CDH4: variants seen among roughly 807,000 people sequenced by gnomAD.
The protein encoded by CDH4 is cadherin 4, also known as cadherin-4.
In CDH4, 33 loss-of-function variants were observed where a neutral mutation model predicts 86.0. The ratio of observed to expected loss-of-function variants is 0.38; its 90% CI spans 0.29 to 0.51. The LOEUF is 0.51. CDH4 is among the 20% of genes least tolerant of loss of function. The probability of loss-of-function intolerance (pLI) is 0.86; values close to 1 mark genes in which losing one functional copy is unlikely to be tolerated. For missense variants in CDH4, 1,114 were observed against 1,307.4 expected, an observed-to-expected ratio of 0.85 and a Z score of 2.28; for synonymous variants, 555 against 549.4, an observed-to-expected ratio of 1.01 and a Z score of -0.14.
intron 2 of CDH4, among the ~76,000 whole-genome samples, chr20:61,504,984 G>A (rs1411824810): frequency 1.3e-5 from 2 of 152,214 alleles, no homozygotes; most frequent in African/African-American, 4.8e-5. Context: ...CAAATGTTGG[G>A]GAGGGGGCTT....
intron 2 of CDH4, among the ~76,000 whole-genome samples, chr20:61,666,888 T>C (rs1161490664): frequency 6.6e-6 from 1 of 152,160 alleles, no homozygotes; most frequent in Non-Finnish European, 1.5e-5. Flanking sequence ...CCTGGGAGTG[T>C]GGTTACACTT....
chr20:61,707,155 G>A (rs917789428), intron 2 of CDH4, among the ~76,000 whole-genome samples: 16 of 152,240 alleles, frequency 1.1e-4, no homozygotes, highest in South Asian at 4.1e-4. Flanking sequence ...CCCCATGAGC[G>A]CATGGCGGGG....
intron 10 of CDH4, 66 bp downstream of exon 10, chr20:61,923,770 A>C: frequency 6.5e-7 from 1 of 1,528,156 alleles, no homozygotes; most frequent in Admixed American, 1.9e-5. Flanking sequence ...AAGGGTCCAG[A>C]AATACCCCAT....
chr20:61,619,027 G>A (rs1431345490), intron 2 of CDH4, among the ~76,000 whole-genome samples: 6 of 152,206 alleles, frequency 3.9e-5, no homozygotes, highest in Non-Finnish European at 8.8e-5. Context: ...TTCCTTTCCA[G>A]AGCAGCAAGT....
chr20:61,892,402 C>G (rs1245760122), intron 7 of CDH4, among the ~76,000 whole-genome samples: 1 of 152,204 alleles, frequency 6.6e-6, no homozygotes. Context: ...CATGGCCCCC[C>G]AGAGCTCAGG....
rs566215135 is a variant in CDH4, at chr20:61,582,160, T to A, written c.170-161403T>A. ...ATGCCTTGTGTGTGCACGGAGACTT[T>A]CCTGTCCACCTGCCCCTCCCTGGTC... On this transcript the variant is annotated intron_variant, in intron 2 of 15. Coordinates refer to ENST00000614565, the MANE Select transcript of CDH4 (RefSeq NM_001794.5). This position sits in a 1 kb window ranked among gnomAD's most constrained non-coding sequence, Gnocchi z 4.2. 1.3e-5 allele frequency among the ~76,000 whole-genome samples: 2 copies of A among 152,338 alleles called. No individual in the cohort carries two copies. The highest frequency in any genetic ancestry group is 1.3e-4 in the Admixed American group (2 of 15,308).
intron 2 of CDH4, among the ~76,000 whole-genome samples, chr20:61,702,093 G>T (rs1390636536): frequency 6.6e-6 from 1 of 152,236 alleles, no homozygotes; most frequent in Non-Finnish European, 1.5e-5. Context: ...TGGGAAGAAA[G>T]CGTCTTCTTC....
chr20:61,918,682 G>A (rs536592194), intron 9 of CDH4, among the ~76,000 whole-genome samples: 30 of 152,234 alleles, frequency 2.0e-4, no homozygotes, highest in African/African-American at 5.8e-4. Flanking sequence ...GCGTGGTGTC[G>A]CGGTGATTGC....
intron 6 of CDH4, among the ~76,000 whole-genome samples, chr20:61,863,314 T>C (rs1272037238): frequency 1.3e-5 from 2 of 152,198 alleles, no homozygotes; most frequent in African/African-American, 4.8e-5. Context: ...CCCAACTCGC[T>C]GCTTCCTTGA....
At chr20:61,660,450 G>C (rs547802504) in intron 2 of CDH4, among the ~76,000 whole-genome samples, 1 of 152,190 alleles carries the variant, frequency 6.6e-6, no homozygotes, top group Non-Finnish European at 1.5e-5. Flanking sequence ...AGGTGACGCC[G>C]GGACTCGCTT....
At chr20:61,797,443 C>T (rs1259420276) in intron 4 of CDH4, among the ~76,000 whole-genome samples, 1 of 152,216 alleles carries the variant, frequency 6.6e-6, no homozygotes, top group African/African-American at 2.4e-5. Flanking sequence ...TCCTGGCTTA[C>T]ATGAAGCTGG....
chr20:61,312,932 G>C (rs981535937), intron 2 of CDH4, among the ~76,000 whole-genome samples: 1 of 152,146 alleles, frequency 6.6e-6, no homozygotes, highest in Non-Finnish European at 1.5e-5. Context: ...GTGCTCGGCA[G>C]GTCCTCTCCC....
Position 61,692,653 on chromosome 20 carries a change from G to C in CDH4, c.170-50910G>C, listed in dbSNP as rs572255196. ...TGCGAGCAAATCCCCAGGCACGGAAGTGTGATGGGGCAGGGGCAAGTTTAT... is the reference window on the plus strand; with the variant it reads ...TGCGAGCAAATCCCCAGGCACGGAACTGTGATGGGGCAGGGGCAAGTTTAT... On this transcript the variant is annotated intron_variant, in intron 2 of 15. Transcript: ENST00000614565. 2.0e-5 allele frequency among the ~76,000 whole-genome samples: 3 copies of C among 152,352 alleles called. No individual in the cohort carries two copies. The East Asian group carries it at 5.8e-4, about 29-fold the overall frequency.
chr20:61,362,973 G>A (rs572699430), intron 2 of CDH4, among the ~76,000 whole-genome samples: 16 of 152,278 alleles, frequency 1.1e-4, no homozygotes, highest in East Asian at 5.8e-4. Flanking sequence ...CCCTTGTGCC[G>A]TGTCACATGT....
chr20:61,422,962 T>C (rs2085188465), intron 2 of CDH4, among the ~76,000 whole-genome samples: 1 of 152,186 alleles, frequency 6.6e-6, no homozygotes, highest in African/African-American at 2.4e-5. Context: ...TTTATTGGGC[T>C]TAAAACCTTA....
chr20:61,788,323 C>T (rs1250194121), intron 4 of CDH4, among the ~76,000 whole-genome samples: 1 of 152,116 alleles, frequency 6.6e-6, no homozygotes, highest in African/African-American at 2.4e-5. Context: ...GAAAAAGAAA[C>T]AGCCCTGAGG....
Position 61,429,015 on chromosome 20 carries a change from G to C in CDH4, c.169+174078G>C, listed in dbSNP as rs970147734. Among the ~76,000 whole-genome samples, 3 of 151,356 alleles carry C rather than the reference G, an allele frequency of 2.0e-5. No individual in the cohort carries two copies. The East Asian group carries it at 5.8e-4, about 29-fold the overall frequency. On this transcript the variant is annotated intron_variant, in intron 2 of 15. Transcript: ENST00000614565. The stretch of plus-strand genomic sequence containing the variant: ...TATCTAACTATATTGTATTAGTCCA[G>C]AACCTACTTTCTAGACTATAGAAAG...
chr20:61,407,812 CTG>C (rs1333709092), intron 2 of CDH4, among the ~76,000 whole-genome samples: 1 of 152,158 alleles, frequency 6.6e-6, no homozygotes, highest in Non-Finnish European at 1.5e-5. Context: ...ACATCAGTGA[CTG>C]TCATGTCATT....
chr20:61,525,421 C>T (rs922746206), intron 2 of CDH4, among the ~76,000 whole-genome samples: 11 of 152,166 alleles, frequency 7.2e-5, no homozygotes, highest in Admixed American at 6.5e-4. Flanking sequence ...GGGCTGTGCT[C>T]ACCTCCTGCA....
Sources: gnomAD v4.1 joint callset for allele counts (sites outside exome capture counted in the v4.1 genomes callset) on GRCh38, gnomAD v4.1.1 for gene constraint, Gnocchi (gnomAD v3.1) non-coding constraint, MANE v1.5 for transcripts, NCBI Gene and HGNC (gene_info 2026-07-23, HGNC 2026-07-21) for gene names.